The following LIMS2 variants were observed in gnomAD, a reference collection of about 807,000 sequenced individuals.
LIMS2 encodes the protein LIM zinc finger domain containing 2, also known as LIM and senescent cell antigen-like-containing domain protein 2.
A neutral mutation model predicts 45.3 loss-of-function variants in LIMS2; 30 were observed. The observed-to-expected ratio is 0.66, with a 90% CI of 0.50 to 0.90. The LOEUF (loss-of-function observed/expected upper bound fraction) is 0.90, where lower values mean the gene tolerates loss of function less well. Ranked by LOEUF, LIMS2 falls within the 40% of genes least tolerant of loss-of-function variation. LIMS2 has a pLI of 0.00. For missense variants in LIMS2, 485 were observed against 468.7 expected (o/e 1.03, Z -0.32); for synonymous variants, 173 against 188.0 (o/e 0.92, Z 0.65).
Position 127,653,028 on chromosome 2 carries a change from C to T in LIMS2, c.359+1396G>A, listed in dbSNP as rs1294902227. Among the ~76,000 whole-genome samples, 1 of 152,238 alleles carries T rather than the reference C, an allele frequency of 6.6e-6. No homozygotes were observed. Among genetic ancestry groups the T allele is most frequent in the Non-Finnish European group, 1.5e-5 (1 of 68,040 alleles). On this transcript the variant is annotated intron_variant, in intron 4 of 9. Transcript: ENST00000355119. This position sits in a 1 kb window ranked among gnomAD's most constrained non-coding sequence, Gnocchi z 5.3. ...CTGTCGGCGACGTTGCTGGTCAGCA[C>T]GAGCTCCTGGTGCTGTCCCTCGGCC...
At chr2:127,648,132 C>T in intron 4 of LIMS2, 5 of 985,486 alleles carry the variant, frequency 5.1e-6, no homozygotes, top group Non-Finnish European at 6.0e-6. Flanking sequence ...AGTCAGAGTA[C>T]TGTGGAACCT....
Position 127,647,066 on chromosome 2 carries a change from G to A in LIMS2, c.360-3994C>T, listed in dbSNP as rs1032769087. Among the ~76,000 whole-genome samples, 1 of 151,886 alleles carries A rather than the reference G, an allele frequency of 6.6e-6. No individual in the cohort carries two copies. Among genetic ancestry groups the A allele is most frequent in the Non-Finnish European group, 1.5e-5 (1 of 67,906 alleles). ...CCCAGGCTGAGGCCCCCGGGCTGGA[G>A]GCAGGAGGCACCACAGGCCCACCTG... On this transcript the variant is annotated intron_variant, in intron 4 of 9. Coordinates refer to ENST00000355119, the MANE Select transcript of LIMS2 (RefSeq NM_001161403.3). The surrounding 1 kb of genome is among the most constrained non-coding windows in gnomAD (Gnocchi z 4.3).
chr2:127,661,185 C>A (rs531907055), intron 1 of LIMS2, among the ~76,000 whole-genome samples: 1 of 152,246 alleles, frequency 6.6e-6, no homozygotes, highest in Non-Finnish European at 1.5e-5. Context: ...CCGCTCAGCT[C>A]TACACGTGAT....
chr2:127,665,897 T>G (rs1033102301), intron 1 of LIMS2, among the ~76,000 whole-genome samples: 1 of 152,216 alleles, frequency 6.6e-6, no homozygotes, highest in Non-Finnish European at 1.5e-5. Context: ...AAGTGTTTTG[T>G]GCAACATAAT....
intron 1 of LIMS2, among the ~76,000 whole-genome samples, chr2:127,661,339 C>T (rs1334014749): frequency 6.6e-6 from 1 of 152,240 alleles, no homozygotes; most frequent in East Asian, 1.9e-4. Flanking sequence ...CAGCACAGAG[C>T]ACCAGGCCAG....
chr2:127,673,755 G>T lies in LIMS2; in HGVS notation c.11+1259C>A, dbSNP rs768273284. The stretch of plus-strand genomic sequence containing the variant: ...CCCACTTTCTTTTCCTAGAAAACAG[G>T]AGAGTGAGAACCAGCCAGCTGGCAG... On this transcript the variant is annotated intron_variant, in intron 1 of 9. Coordinates refer to ENST00000355119, the MANE Select transcript of LIMS2 (RefSeq NM_001161403.3). The T allele has an allele frequency of 1.9e-6, 3 of 1,551,104 alleles. No homozygotes were observed. The South Asian group carries it at 3.6e-5, about 18-fold the overall frequency.
chr2:127,651,602 C>T (rs200424519), intron 4 of LIMS2: 69 of 1,613,368 alleles, frequency 4.3e-5, no homozygotes, highest in African/African-American at 1.1e-4. Flanking sequence ...CCAGCCTCAA[C>T]GGGGCACTCG....
chr2:127,669,650 G>A (rs775504965), intron 1 of LIMS2, among the ~76,000 whole-genome samples: 6 of 151,988 alleles, frequency 3.9e-5, no homozygotes, highest in African/African-American at 9.7e-5. Flanking sequence ...CCCAGGAGGC[G>A]GAGGTTGCAG....
In LIMS2 at chr2:127,639,006, G is replaced by T; in HGVS notation, c.*275C>A. Reference sequence around the variant, plus strand: ...CTCCTGTCCCTGGAGGTCTGTGGGCGGAAGCTGTGGGCACAGGTGGACATG... The same window carrying T: ...CTCCTGTCCCTGGAGGTCTGTGGGCTGAAGCTGTGGGCACAGGTGGACATG... On this transcript the variant is annotated 3_prime_UTR_variant, in exon 10 of 10. Coordinates refer to ENST00000355119, the MANE Select transcript of LIMS2 (RefSeq NM_001161403.3). 4.4e-6 allele frequency: 2 copies of T among 450,566 alleles called. No homozygotes were observed. The highest frequency in any genetic ancestry group is 8.0e-6 in the Non-Finnish European group (2 of 250,064). 27.9% of individuals were successfully genotyped at this position (450,566 alleles called of 1,614,324 possible). A position where few individuals can be genotyped will look rare whatever the true frequency, so the allele number is the denominator to read the frequency against.
chr2:127,674,946 G>A, intron 1 of LIMS2, 68 bp downstream of exon 1: 1 of 1,225,464 alleles, frequency 8.2e-7, no homozygotes, highest in Non-Finnish European at 1.0e-6. Flanking sequence ...ACGAGGGCGA[G>A]CTGCGCCTCG....
Position 127,654,882 on chromosome 2 carries a change from C to T in LIMS2, c.186G>A (p.Lys62=). The change falls in exon 3 of 10, where the codon AAG becomes AAA. Residue 62 remains lysine (K), a synonymous_variant. Transcript: ENST00000355119. ...GCATTTGGAAGTCGTGTTCGCAGTA[C>T]TTCCGGCCTTCAAACTGCAAAGGGG... ...EGLFYEFEGR[K]YCEHDFQMLF... The T allele has an allele frequency of 6.2e-7, 1 of 1,614,118 alleles. No homozygotes were observed. The highest frequency in any genetic ancestry group is 8.5e-7 in the Non-Finnish European group (1 of 1,180,012).
Position 127,671,449 on chromosome 2 carries a change from G to A in LIMS2, c.11+3565C>T, listed in dbSNP as rs72846204. Among the ~76,000 whole-genome samples, 3,674 of 150,820 alleles carry A rather than the reference G, an allele frequency of 0.024. 61 individuals carry two copies. The highest frequency in any genetic ancestry group is 0.092 in the Middle Eastern group (27 of 292). ...CTCCATCTCAAAAAAAAAAAAAAGAGCCTGCATGCGGCACAGCACAGATAG... is the reference window on the plus strand; with the variant it reads ...CTCCATCTCAAAAAAAAAAAAAAGAACCTGCATGCGGCACAGCACAGATAG... On this transcript the variant is annotated intron_variant, in intron 1 of 9. Coordinates refer to ENST00000355119, the MANE Select transcript of LIMS2 (RefSeq NM_001161403.3). This position sits in a 1 kb window ranked among gnomAD's most constrained non-coding sequence, Gnocchi z 4.1.
chr2:127,660,232 CTG>C (rs1684529268), intron 1 of LIMS2, among the ~76,000 whole-genome samples: 1 of 152,162 alleles, frequency 6.6e-6, no homozygotes, highest in Non-Finnish European at 1.5e-5. Flanking sequence ...AATTAGCACT[CTG>C]TAAAATGGAC....
At chr2:127,651,611 C>T (rs148872149) in intron 4 of LIMS2, 40 of 1,613,530 alleles carry the variant, frequency 2.5e-5, no homozygotes, top group Non-Finnish European at 3.1e-5. Context: ...ACGGGGCACT[C>T]GACCCCATCA....
At chr2:127,658,678 G>T (rs1684422104) in intron 1 of LIMS2, among the ~76,000 whole-genome samples, 1 of 152,220 alleles carries the variant, frequency 6.6e-6, no homozygotes, top group Non-Finnish European at 1.5e-5. Context: ...GACCTTCAAA[G>T]AACCGGATAC....
chr2:127,663,626 G>GGCCCCCC, intron 1 of LIMS2, among the ~76,000 whole-genome samples: 1 of 136,398 alleles, frequency 7.3e-6, no homozygotes, highest in Non-Finnish European at 1.6e-5. Flanking sequence ...CTCCCTCCCT[G>GGCCCCCC]CCCCCCCGCC....
intron 1 of LIMS2, among the ~76,000 whole-genome samples, chr2:127,670,146 G>C (rs141579037): frequency 6.6e-6 from 1 of 152,298 alleles, no homozygotes; most frequent in African/African-American, 2.4e-5. Context: ...TATATTCAAG[G>C]AGAAAATGTA....
Position 127,675,074 on chromosome 2 carries a change from C to G in LIMS2, c.-50G>C. ...GTTGCCGGGGTTGCCGCGGGTCTCC[C>G]TCTGCTGCTGCAGCCGCCAGCCGAG... is the stretch of plus-strand genomic sequence containing the variant. On this transcript the variant is annotated 5_prime_UTR_variant, in exon 1 of 10. Transcript: ENST00000355119. The G allele has an allele frequency of 8.1e-7, 1 of 1,228,576 alleles. No individual in the cohort carries two copies. The highest frequency in any genetic ancestry group is 4.1e-5 in the South Asian group (1 of 24,306). 76.1% of individuals were successfully genotyped at this position (1,228,576 alleles called of 1,614,324 possible).
Position 127,657,178 on chromosome 2 carries a change from G to A in LIMS2, c.171+225C>T, listed in dbSNP as rs1215434601. ...AGGGCCTGCCCAGCATCTGCCCAGA[G>A]GAGGCTGGTGAAAGGTGGCTCTCTG... On this transcript the variant is annotated intron_variant, in intron 2 of 9. Coordinates refer to ENST00000355119, the MANE Select transcript of LIMS2 (RefSeq NM_001161403.3). 2.6e-5 allele frequency among the ~76,000 whole-genome samples: 4 copies of A among 152,246 alleles called. No individual in the cohort carries two copies. The East Asian group carries it at 7.7e-4, about 29-fold the overall frequency.
Sources: allele counts gnomAD v4.1 joint callset (sites outside exome capture counted in the v4.1 genomes callset), GRCh38; gene constraint gnomAD v4.1.1; non-coding constraint Gnocchi (gnomAD v3.1); transcripts MANE v1.5; gene names NCBI Gene and HGNC (gene_info 2026-07-23, HGNC 2026-07-21).